The following HERC1 variants were observed in gnomAD, a reference collection of about 807,000 sequenced individuals.
HERC1 encodes HECT and RLD domain containing E3 ubiquitin protein ligase family member 1, also known as probable E3 ubiquitin-protein ligase HERC1.
Under a neutral mutation model 554.3 loss-of-function variants are expected in HERC1, and 160 were observed. The ratio of observed to expected loss-of-function variants is 0.29; its 90% CI spans 0.25 to 0.33. The LOEUF is 0.33. Ranked by LOEUF, HERC1 falls within the 10% of genes least tolerant of loss-of-function variation. The pLI is 1.00. For synonymous variants in HERC1, 2,175 were observed against 2,131.7 expected (o/e 1.02, Z -0.56); for missense variants, 4,919 against 5,918.5 (o/e 0.83, Z 5.54).
In HERC1 at chr15:63,829,479, A is replaced by AT. The variant is rs1555455605; in HGVS notation, c.-27+4347_-27+4348insA. Among the ~76,000 whole-genome samples, 660 of 87,404 alleles carry AT rather than the reference A, an allele frequency of 7.6e-3. 8 individuals are homozygous for AT. Among genetic ancestry groups the AT allele is most frequent in the African/African-American group, 0.018 (321 of 17,804 alleles). The allele number at this position is 87,404 out of a possible 152,430, so 57.3% of individuals were successfully genotyped here. On this transcript the variant is annotated intron_variant, in intron 1 of 77. Coordinates refer to ENST00000443617, the MANE Select transcript of HERC1 (RefSeq NM_003922.4). Reference sequence around the variant, plus strand: ...GTGTGTGCACATATATGTTTATATAAATATATATATATATATATATACACA... The same window carrying AT: ...GTGTGTGCACATATATGTTTATATAATATATATATATATATATATATACACA...
chr15:63,830,706 T>C (rs2078123436), intron 1 of HERC1, among the ~76,000 whole-genome samples: 1 of 152,230 alleles, frequency 6.6e-6, no homozygotes, highest in Non-Finnish European at 1.5e-5. Flanking sequence ...AACTTTTCTG[T>C]AAGTCTAACA....
intron 14 of HERC1, 86 bp downstream of exon 14, chr15:63,732,838 C>T: frequency 1.2e-6 from 1 of 869,482 alleles, no homozygotes. Flanking sequence ...TGATTTCTAT[C>T]ATAGGTGTTT....
At chr15:63,809,424 A>G (rs1460821089) in intron 1 of HERC1, among the ~76,000 whole-genome samples, 4 of 152,228 alleles carry the variant, frequency 2.6e-5, no homozygotes, top group Non-Finnish European at 5.9e-5. Flanking sequence ...CAGTGCTCCT[A>G]AAAGACTCAG....
intron 1 of HERC1, among the ~76,000 whole-genome samples, chr15:63,776,276 T>C (rs894871290): frequency 7.9e-5 from 12 of 152,106 alleles, no homozygotes; most frequent in African/African-American, 2.9e-4. Flanking sequence ...AAAATTAACA[T>C]ATCCAAAACT....
At position 63,694,256 on chromosome 15, in the gene HERC1, A is replaced by G; in HGVS notation, c.5480+56T>C. The G allele has an allele frequency of 6.4e-7, 1 of 1,570,970 alleles. No homozygotes were observed. Among genetic ancestry groups the G allele is most frequent in the Non-Finnish European group, 8.6e-7 (1 of 1,156,500 alleles). ...AGATTAGAGGGAAAGGGGGAATTCT[A>G]AAATGGAGGAAGACCAGACTTCATA... On this transcript the variant is annotated intron_variant, in intron 29 of 77. Transcript: ENST00000443617. This position sits in a 1 kb window ranked among gnomAD's most constrained non-coding sequence, Gnocchi z 4.3.
At position 63,609,114 on chromosome 15, in the gene HERC1, C is replaced by T. The variant is rs758066865; in HGVS notation, c.14553G>A (p.Val4851=). Residue 4851 remains valine (V), a synonymous_variant, in exon 78 of 78, where the codon GTG becomes GTA. Transcript: ENST00000443617. ...CAGTGTCGGAGCCCTCGGCGTTGTC[C>T]ACGTTTCTCGAGAGCATGTAGTTGT... ...DMDNYMLSRN[V]DNAEGSDTDY is the part of the protein sequence containing the mutation. The T allele has an allele frequency of 6.2e-7, 1 of 1,613,904 alleles. No homozygotes were observed. The highest frequency in any genetic ancestry group is 8.5e-7 in the Non-Finnish European group (1 of 1,179,844).
At chr15:63,702,395 A>G (rs2072766397) in intron 25 of HERC1, among the ~76,000 whole-genome samples, 1 of 152,248 alleles carries the variant, frequency 6.6e-6, no homozygotes, top group Non-Finnish European at 1.5e-5. Context: ...CCCTATCAAA[A>G]TATTTAAAGA....
intron 76 of HERC1, among the ~76,000 whole-genome samples, chr15:63,614,784 T>G (rs1233867977): frequency 6.6e-6 from 1 of 152,230 alleles, no homozygotes; most frequent in Admixed American, 6.5e-5. Flanking sequence ...TATTAAATGC[T>G]TACTTACCTG....
rs2067661819 is a variant in HERC1 at position 63,612,865 on chromosome 15, C to T, written c.14095-309G>A. Among the ~76,000 whole-genome samples the T allele has an allele frequency of 6.6e-6, 1 of 152,258 alleles. No individual in the cohort carries two copies. ...GGGGCCTTCCCTGATGCCAGCCCCACTCACTCATATTCCTAATCATATGTG... is the reference window on the plus strand; with the variant it reads ...GGGGCCTTCCCTGATGCCAGCCCCATTCACTCATATTCCTAATCATATGTG... On this transcript the variant is annotated intron_variant, in intron 76 of 77. Transcript: ENST00000443617. This position sits in a 1 kb window ranked among gnomAD's most constrained non-coding sequence, Gnocchi z 5.0.
In HERC1 at chr15:63,638,505, T is replaced by G. The variant is rs764494523; in HGVS notation, c.11999A>C (p.Tyr4000Ser). ...DWHLGGKCDV[Y>S]LWGAGRHGQL... Reference sequence around the variant, plus strand: ...TCCATGCCTACCAGCACCCCATAAGTAGACATCACATTTACCTCCCAGGTG... The same window carrying G: ...TCCATGCCTACCAGCACCCCATAAGGAGACATCACATTTACCTCCCAGGTG... The change falls in exon 63 of 78, where the codon TAC becomes TCC. Residue 4000 changes from tyrosine (Y) to serine (S), a missense_variant. By Grantham distance (144) the Tyr-to-Ser change is moderately radical. Coordinates refer to ENST00000443617, the MANE Select transcript of HERC1 (RefSeq NM_003922.4). The G allele has an allele frequency of 6.2e-7, 1 of 1,613,886 alleles. No individual in the cohort carries two copies. The highest frequency in any genetic ancestry group is 1.1e-5 in the South Asian group (1 of 91,076).
chr15:63,732,885 C>T, intron 14 of HERC1, 39 bp downstream of exon 14: 1 of 1,279,642 alleles, frequency 7.8e-7, no homozygotes, highest in Non-Finnish European at 1.1e-6. Flanking sequence ...GATCCCTACC[C>T]CTTTATTCTT....
At position 63,609,045 on chromosome 15, in the gene HERC1, T is replaced by G; in HGVS notation, c.*36A>C. On this transcript the variant is annotated 3_prime_UTR_variant, in exon 78 of 78. Transcript: ENST00000443617. ...ACATCAAATCAGAAGTGAGCATTATTGAGGGAGAGAAGGGAGGGTGAGAGC... is the reference window on the plus strand; with the variant it reads ...ACATCAAATCAGAAGTGAGCATTATGGAGGGAGAGAAGGGAGGGTGAGAGC... The G allele has an allele frequency of 6.3e-7, 1 of 1,580,560 alleles. No homozygotes were observed. The highest frequency in any genetic ancestry group is 1.1e-5 in the South Asian group (1 of 87,294).
chr15:63,829,561 G>GTGTGTGTATATATATATATA (rs1220043639), intron 1 of HERC1, among the ~76,000 whole-genome samples: 42 of 81,706 alleles, frequency 5.1e-4, no homozygotes, highest in Admixed American at 8.6e-4. Flanking sequence ...GTGTGTGTGT[G>GTGTGTGTATATATATATATA]TATATATATA....
At chr15:63,738,463 T>C (rs1274205058) in intron 12 of HERC1, among the ~76,000 whole-genome samples, 4 of 152,182 alleles carry the variant, frequency 2.6e-5, no homozygotes, top group Non-Finnish European at 4.4e-5. Context: ...AATGGTTATG[T>C]AAGACATTAA....
At chr15:63,822,455 G>A (rs555168706) in intron 1 of HERC1, among the ~76,000 whole-genome samples, 17 of 151,932 alleles carry the variant, frequency 1.1e-4, no homozygotes, top group African/African-American at 3.9e-4. Flanking sequence ...GCGTGGTGGC[G>A]TGTGCCTGTA....
intron 70 of HERC1, 30 bp from the exon 71 acceptor site, chr15:63,626,184 A>C (rs941270231): frequency 6.2e-7 from 1 of 1,603,944 alleles, no homozygotes; most frequent in Non-Finnish European, 8.5e-7. Context: ...GCACTTATGA[A>C]GGAAACAGCA....
In HERC1 at chr15:63,750,826, G is replaced by A. The variant is rs557041780; in HGVS notation, c.1903-1035C>T. ...CACAGGCCTGTGGTCCCAGCTACTC[G>A]GGAGCTGGGATGGGGAAGATCTCTT... On this transcript the variant is annotated intron_variant, in intron 8 of 77. Transcript: ENST00000443617. Among the ~76,000 whole-genome samples, 5 of 152,222 alleles carry A rather than the reference G, an allele frequency of 3.3e-5. No homozygotes were observed. In the East Asian group the frequency reaches 5.8e-4, roughly 18 times the overall value.
At chr15:63,626,245 A>G in intron 70 of HERC1, 91 bp from the exon 71 acceptor site, 1 of 1,255,776 alleles carries the variant, frequency 8.0e-7, no homozygotes, top group South Asian at 1.3e-5. Flanking sequence ...AGAGAAGTTG[A>G]GATAATTACA....
chr15:63,665,996 A>G lies in HERC1; in HGVS notation c.8478T>C (p.Asn2826=), dbSNP rs773660828. ...CAGGTGACTGCAAATAACAGGGATCATTTGACTTCCCGCCACTGCCTAGAA... is the reference window on the plus strand; with the variant it reads ...CAGGTGACTGCAAATAACAGGGATCGTTTGACTTCCCGCCACTGCCTAGAA... The part of the protein sequence containing the change: ...AAVLGSGGKS[N]DPCYLQSPGD... Residue 2826 remains asparagine (N), a synonymous_variant, in exon 42 of 78, where the codon AAT becomes AAC. Coordinates refer to ENST00000443617, the MANE Select transcript of HERC1 (RefSeq NM_003922.4). 2 of 1,614,026 alleles carry G rather than the reference A, an allele frequency of 1.2e-6. No homozygotes were observed. The highest frequency in any genetic ancestry group is 1.7e-5 in the Admixed American group (1 of 60,028).
Sources: gnomAD v4.1 joint callset for allele counts (sites outside exome capture counted in the v4.1 genomes callset) on GRCh38, gnomAD v4.1.1 for gene constraint, Gnocchi (gnomAD v3.1) non-coding constraint, MANE v1.5 for transcripts, NCBI Gene and HGNC (gene_info 2026-07-23, HGNC 2026-07-21) for gene names.